Variants in PLEKHH1 observed in about 807,000 individuals in gnomAD.
PLEKHH1 encodes the protein pleckstrin homology, MyTH4 and FERM domain containing H1, also known as pleckstrin homology domain-containing family H member 1.
A neutral mutation model predicts 160.0 loss-of-function variants in PLEKHH1; 104 were observed. That is an observed-to-expected ratio of 0.65 (90% confidence interval 0.55 to 0.76). The LOEUF (loss-of-function observed/expected upper bound fraction) is 0.76, where lower values mean the gene tolerates loss of function less well. Ranked by LOEUF, PLEKHH1 falls within the 30% of genes least tolerant of loss-of-function variation. The probability of loss-of-function intolerance (pLI) is 0.00; values close to 1 mark genes in which losing one functional copy is unlikely to be tolerated. For synonymous variants in PLEKHH1, 619 were observed against 678.4 expected, an observed-to-expected ratio of 0.91 and a Z score of 1.36; for missense variants, 1,427 against 1,724.1, an observed-to-expected ratio of 0.83 and a Z score of 3.05.
In PLEKHH1 at chr14:67,574,369, G is replaced by A. The variant is rs1426207313; in HGVS notation, c.2054G>A (p.Gly685Asp). Residue 685 changes from glycine (G) to aspartate (D), a missense_variant, in exon 14 of 29, where the codon GGC becomes GAC. Gly to Asp is a moderately conservative substitution (Grantham distance 94). Around this residue, in one of 6 missense-constraint regions of PLEKHH1, gnomAD observed 831 missense variants for 929.2 expected, o/e 0.89. Transcript: ENST00000329153. This position sits in a 1 kb window ranked among gnomAD's most constrained non-coding sequence, Gnocchi z 4.2. ...ATGPPALLRGGTKPTVKGWLT... is the reference protein window; with the variant it reads ...ATGPPALLRGDTKPTVKGWLT... ...GGGCCTCCAGCTCTGCTTCGGGGTG[G>A]CACCAAGCCCACCGTGAAGGGCTGG... is the stretch of plus-strand genomic sequence containing the variant. The A allele has an allele frequency of 3.8e-6, 6 of 1,589,938 alleles. No homozygotes were observed. The highest frequency in any genetic ancestry group is 5.1e-6 in the Non-Finnish European group (6 of 1,168,144).
rs1358983235 is a variant in PLEKHH1, at chr14:67,588,591, C to T, written c.*1356C>T. The T allele has an allele frequency of 6.6e-6, 1 of 152,132 alleles. No individual in the cohort carries two copies. The highest frequency in any genetic ancestry group is 1.5e-5 in the Non-Finnish European group (1 of 68,018). 9.4% of individuals were successfully genotyped at this position (152,132 alleles called of 1,614,324 possible). A position where few individuals can be genotyped will look rare whatever the true frequency, so the allele number is the denominator to read the frequency against. ...AGGAGACTAGACAGTCTCCTCTAGA[C>T]AGGTTGTAGACACACCCTCCCCTAA... On this transcript the variant is annotated 3_prime_UTR_variant, in exon 29 of 29. Transcript: ENST00000329153.
chr14:67,560,175 G>A (rs550179642), intron 5 of PLEKHH1, among the ~76,000 whole-genome samples: 3 of 152,020 alleles, frequency 2.0e-5, no homozygotes, highest in East Asian at 1.9e-4. Flanking sequence ...TTACAGGCAC[G>A]CACCACCATG....
At position 67,579,866 on chromosome 14, in the gene PLEKHH1, G is replaced by GA; in HGVS notation, c.3175dup (p.Ser1059LysfsTer6). ...AGGGACCTGGAGCACTGCCTGCAGG[G>GA]AAGTGTCAAGGTGACAGCCTCCCAC... is the stretch of plus-strand genomic sequence containing the variant. On this transcript the variant is annotated frameshift_variant, in exon 22 of 29. Coordinates refer to ENST00000329153, the MANE Select transcript of PLEKHH1 (RefSeq NM_020715.3). LOFTEE classifies it high-confidence loss of function. 1.2e-6 allele frequency: 2 copies of GA among 1,600,618 alleles called. No homozygotes were observed. Among genetic ancestry groups the GA allele is most frequent in the Non-Finnish European group, 8.5e-7 (1 of 1,173,704 alleles).
chr14:67,572,378 G>T lies in PLEKHH1; in HGVS notation c.1728+101G>T, dbSNP rs890630559. 4 of 995,910 alleles carry T rather than the reference G, an allele frequency of 4.0e-6. No homozygotes were observed. In the South Asian group the frequency reaches 6.6e-5, roughly 16 times the overall value. 61.7% of individuals were successfully genotyped at this position (995,910 alleles called of 1,614,324 possible). On this transcript the variant is annotated intron_variant, in intron 11 of 28. Coordinates refer to ENST00000329153, the MANE Select transcript of PLEKHH1 (RefSeq NM_020715.3). Reference sequence around the variant, plus strand: ...TAGGCAGTAGCTGCCTGAAGTGAGGGGTCCCTAGAGCTGGGGGATGGGGGC... The same window carrying T: ...TAGGCAGTAGCTGCCTGAAGTGAGGTGTCCCTAGAGCTGGGGGATGGGGGC...
chr14:67,573,382 C>T lies in PLEKHH1; in HGVS notation c.1835C>T (p.Ser612Phe), dbSNP rs201101468. 11 of 1,585,242 alleles carry T rather than the reference C, an allele frequency of 6.9e-6. No individual in the cohort carries two copies. In the African/African-American group the frequency reaches 1.3e-4, roughly 19 times the overall value. Reference sequence around the variant, plus strand: ...CAGGGACAGATTATGTACTACAAGTCCCCGGTGAGAGTCTCCCCGCCCAGC... The same window carrying T: ...CAGGGACAGATTATGTACTACAAGTTCCCGGTGAGAGTCTCCCCGCCCAGC... ...LRQGQIMYYK[S>F]PSDVIRKPQG... Residue 612 changes from serine to phenylalanine, a missense_variant, in exon 12 of 29, where the codon TCC becomes TTC. By Grantham distance (155) the Ser-to-Phe change is radical (BLOSUM62 -2). Around this residue, in one of 6 missense-constraint regions of PLEKHH1, gnomAD observed 831 missense variants for 929.2 expected, o/e 0.89. Coordinates refer to ENST00000329153, the MANE Select transcript of PLEKHH1 (RefSeq NM_020715.3). The surrounding 1 kb of genome is among the most constrained non-coding windows in gnomAD (Gnocchi z 4.8).
chr14:67,543,546 C>T (rs538617385), intron 2 of PLEKHH1, among the ~76,000 whole-genome samples: 6 of 152,290 alleles, frequency 3.9e-5, no homozygotes, highest in South Asian at 2.1e-4. Flanking sequence ...TGGGTTCTAC[C>T]CCAGTCCTCT....
chr14:67,587,585 A>T lies in PLEKHH1; in HGVS notation c.*350A>T. The T allele has an allele frequency of 3.4e-6, 1 of 291,364 alleles. No homozygotes were observed. Among genetic ancestry groups the T allele is most frequent in the South Asian group, 3.4e-5 (1 of 29,562 alleles). 18.0% of individuals were successfully genotyped at this position (291,364 alleles called of 1,614,324 possible). On this transcript the variant is annotated 3_prime_UTR_variant, in exon 29 of 29. Coordinates refer to ENST00000329153, the MANE Select transcript of PLEKHH1 (RefSeq NM_020715.3). ...CTGCACTGGTACTCTCAAGGAAGCT[A>T]ATTTTCTTTCTGGGGGGGGCGGGGG...
intron 23 of PLEKHH1, 33 bp downstream of exon 23, chr14:67,581,071 A>C (rs943826338): frequency 9.4e-6 from 13 of 1,382,600 alleles, no homozygotes; most frequent in Non-Finnish European, 1.2e-5. Flanking sequence ...GGGGCCAAAC[A>C]CAAGGGCTGC....
chr14:67,572,104 C>A, intron 10 of PLEKHH1, 31 bp from the exon 11 acceptor site: 1 of 1,591,952 alleles, frequency 6.3e-7, no homozygotes. Flanking sequence ...AGGTGTGGGA[C>A]CCGGGCCTTG....
chr14:67,576,699 G>C lies in PLEKHH1; in HGVS notation c.2461+196G>C, dbSNP rs925510925. ...TACTAAGGTGACCACTCTGCATCTG[G>C]GGGAGTTTATCTGGGAAGCAGGCTT... is the stretch of plus-strand genomic sequence containing the variant. On this transcript the variant is annotated intron_variant, in intron 17 of 28. Transcript: ENST00000329153. This position sits in a 1 kb window ranked among gnomAD's most constrained non-coding sequence, Gnocchi z 4.0. 6.6e-6 allele frequency among the ~76,000 whole-genome samples: 1 copy of C among 152,168 alleles called. No individual in the cohort carries two copies. The highest frequency in any genetic ancestry group is 2.4e-5 in the African/African-American group (1 of 41,434).
rs1346631804 is a variant in PLEKHH1 at position 67,575,841 on chromosome 14, C to T, written c.2188C>T (p.Pro730Ser). 1.2e-6 allele frequency: 2 copies of T among 1,613,628 alleles called. No homozygotes were observed. Among genetic ancestry groups the T allele is most frequent in the East Asian group, 4.5e-5 (2 of 44,874 alleles). ...TCCACAGCGACCCCTGGGCTGCCTG[C>T]CTGTGCGGGATGCGCACATAGAGGA... ...HEDKRPLGCL[P>S]VRDAHIEEVD... The change falls in exon 16 of 29, where the codon CCT becomes TCT. Residue 730 changes from proline to serine, a missense_variant. Pro to Ser is a moderately conservative substitution (Grantham distance 74). Transcript: ENST00000329153.
At chr14:67,569,275 C>T (rs371383908) in intron 8 of PLEKHH1, 59 bp downstream of exon 8, 70 of 1,268,344 alleles carry the variant, frequency 5.5e-5, no homozygotes, top group Middle Eastern at 1.9e-4. Context: ...GGTGGGCAAG[C>T]GGGGAGGAGA....
In PLEKHH1 at chr14:67,586,988, A is replaced by T. The variant is rs1026341608; in HGVS notation, c.3934-86A>T. 6 of 1,528,216 alleles carry T rather than the reference A, an allele frequency of 3.9e-6. No individual in the cohort carries two copies. The African/African-American group carries it at 8.3e-5, about 21-fold the overall frequency. The allele number at this position is 1,528,216 out of a possible 1,614,324, so 94.7% of individuals were successfully genotyped here. A position where few individuals can be genotyped will look rare whatever the true frequency, so the allele number is the denominator to read the frequency against. On this transcript the variant is annotated intron_variant, in intron 28 of 28. Coordinates refer to ENST00000329153, the MANE Select transcript of PLEKHH1 (RefSeq NM_020715.3). ...GAGATTAAATAAACTGAGGCCCAGG[A>T]ACTCAGCATAAGAGCTAATAAGTAA...
intron 25 of PLEKHH1, 42 bp downstream of exon 25, chr14:67,583,925 G>A: frequency 6.2e-7 from 1 of 1,611,716 alleles, no homozygotes. Context: ...ACTGTGGGGA[G>A]GTCTCAGGCC....
Position 67,574,126 on chromosome 14 carries a change from A to G in PLEKHH1, c.1927-116A>G. 1.2e-6 allele frequency: 1 copy of G among 862,794 alleles called. No homozygotes were observed. The highest frequency in any genetic ancestry group is 1.7e-5 in the African/African-American group (1 of 58,596). The allele number at this position is 862,794 out of a possible 1,614,324, so 53.4% of individuals were successfully genotyped here. ...GGAGGAAAAGAAAGGAGGGAGCACTAGGGCAGGCAGAAGGCCAGCCCCTTG... is the reference window on the plus strand; with the variant it reads ...GGAGGAAAAGAAAGGAGGGAGCACTGGGGCAGGCAGAAGGCCAGCCCCTTG... On this transcript the variant is annotated intron_variant, in intron 13 of 28. Coordinates refer to ENST00000329153, the MANE Select transcript of PLEKHH1 (RefSeq NM_020715.3). The surrounding 1 kb of genome is among the most constrained non-coding windows in gnomAD (Gnocchi z 4.2).
intron 9 of PLEKHH1, 52 bp downstream of exon 9, chr14:67,570,064 CCT>C: frequency 8.2e-7 from 1 of 1,219,800 alleles, no homozygotes; most frequent in East Asian, 2.5e-5. Context: ...AGGCCCCTGG[CCT>C]CATCATCCAA....
chr14:67,568,215 C>A (rs2035200573), intron 7 of PLEKHH1, among the ~76,000 whole-genome samples: 1 of 152,104 alleles, frequency 6.6e-6, no homozygotes, highest in Non-Finnish European at 1.5e-5. Context: ...CAATGGTAGA[C>A]TGGATAAAGA....
chr14:67,558,421 A>G (rs565283610), intron 4 of PLEKHH1, among the ~76,000 whole-genome samples: 2 of 152,300 alleles, frequency 1.3e-5, no homozygotes, highest in Admixed American at 6.5e-5. Context: ...GTGGGGTACC[A>G]TGTGCTCCTG....
chr14:67,539,381 G>A (rs1038535724), intron 1 of PLEKHH1, among the ~76,000 whole-genome samples: 4 of 152,208 alleles, frequency 2.6e-5, no homozygotes, highest in African/African-American at 9.6e-5. Context: ...TGACAGGGCT[G>A]GGAGAGCAGC....
Sources: allele counts gnomAD v4.1 joint callset (sites outside exome capture counted in the v4.1 genomes callset), GRCh38; gene constraint gnomAD v4.1.1; regional missense constraint gnomAD v4.1.1; non-coding constraint Gnocchi (gnomAD v3.1); transcripts MANE v1.5; gene names NCBI Gene and HGNC (gene_info 2026-07-23, HGNC 2026-07-21).